SMC1A: variants seen among roughly 807,000 people sequenced by gnomAD.
The protein encoded by SMC1A is structural maintenance of chromosomes 1A, also known as structural maintenance of chromosomes protein 1A.
In SMC1A, 4 loss-of-function variants were observed where a neutral mutation model predicts 94.5. The ratio of observed to expected loss-of-function variants is 0.04; its 90% CI spans 0.02 to 0.10. SMC1A has a LOEUF of 0.10. SMC1A is among the 10% of genes least tolerant of loss of function. SMC1A has a pLI of 1.00. For synonymous variants in SMC1A, 345 were observed against 347.7 expected, an observed-to-expected ratio of 0.99 and a Z score of 0.09; for missense variants, 304 against 989.0, an observed-to-expected ratio of 0.31 and a Z score of 9.29.
Position 53,412,265 on chromosome X carries a change from G to A in SMC1A, c.855-12C>T, listed in dbSNP as rs1556890634. On this transcript the variant is annotated splice_polypyrimidine_tract_variant and intron_variant, in intron 5 of 24. Transcript: ENST00000322213. ...CTGAGTCCTTCTCCCTTTTGCCAGA[G>A]GGGTGGGGGAAACCAGTGAGAACTA... 2 of 1,210,290 alleles carry A rather than the reference G, an allele frequency of 1.7e-6. No homozygotes were observed. Among genetic ancestry groups the A allele is most frequent in the South Asian group, 1.8e-5 (1 of 56,950 alleles).
intron 1 of SMC1A, among the ~76,000 whole-genome samples, chrX:53,419,584 G>A (rs2075746388): frequency 9.2e-6 from 1 of 108,573 alleles, no homozygotes; most frequent in African/African-American, 3.4e-5. Flanking sequence ...GCAGCACTTT[G>A]GGAGGCCCAG....
At chrX:53,387,178 G>A (rs1468448191) in intron 19 of SMC1A, among the ~76,000 whole-genome samples, 5 of 111,277 alleles carry the variant, frequency 4.5e-5, no homozygotes, top group African/African-American at 1.6e-4. Flanking sequence ...TGTATTCTTA[G>A]TAGAGATGGC....
In SMC1A at chrX:53,382,713, C is replaced by T. The variant is rs1389213392; in HGVS notation, c.3131-53G>A. The T allele has an allele frequency of 7.6e-6, 9 of 1,178,316 alleles. No homozygotes were observed. In the Admixed American group the frequency reaches 2.0e-4, roughly 26 times the overall value. ...TCAGTGCCCTGGCAAGAAGGACCTG[C>T]AAATGACAATCCAGAGCAGGAACAT... On this transcript the variant is annotated intron_variant, in intron 20 of 24. Coordinates refer to ENST00000322213, the MANE Select transcript of SMC1A (RefSeq NM_006306.4).
At position 53,375,831 on chromosome X, in the gene SMC1A, C is replaced by A. The variant is rs781995748; in HGVS notation, c.*4272G>T. On this transcript the variant is annotated 3_prime_UTR_variant, in exon 25 of 25. Coordinates refer to ENST00000322213, the MANE Select transcript of SMC1A (RefSeq NM_006306.4). Reference sequence around the variant, plus strand: ...TCACCCTCCACATCCAATAATCAGTCATTAAGTTATCATCTTACCTTAACA... The same window carrying A: ...TCACCCTCCACATCCAATAATCAGTAATTAAGTTATCATCTTACCTTAACA... 1 of 112,100 alleles carries A rather than the reference C, an allele frequency of 8.9e-6. No individual in the cohort carries two copies. Among genetic ancestry groups the A allele is most frequent in the South Asian group, 3.7e-4 (1 of 2,704 alleles). The allele number at this position is 112,100 out of a possible 1,213,427, so 9.2% of individuals were successfully genotyped here. A position where few individuals can be genotyped will look rare whatever the true frequency, so the allele number is the denominator to read the frequency against.
chrX:53,422,499 A>G lies in SMC1A; in HGVS notation c.102T>C (p.Asn34=), dbSNP rs782100278. Residue 34 remains asparagine (N), a synonymous_variant, in exon 1 of 25, where the codon AAT becomes AAC. Transcript: ENST00000322213. ...FQRFTAIIGP[N]GSGKSNLMDA... is the part of the protein sequence containing the mutation. ...CGGCCAGGTTTATCTCACCAGAGCC[A>G]TTGGGTCCAATGATGGCGGTGAACC... 2.5e-6 allele frequency: 3 copies of G among 1,180,274 alleles called. No individual in the cohort carries two copies. Among genetic ancestry groups the G allele is most frequent in the Admixed American group, 4.3e-5 (2 of 46,049 alleles).
chrX:53,384,364 A>G (rs1030581958), intron 19 of SMC1A, among the ~76,000 whole-genome samples: 38 of 109,084 alleles, frequency 3.5e-4, no homozygotes, highest in Non-Finnish European at 1.7e-4. Context: ...CCCAGGCTCA[A>G]GTGATCCTCC....
intron 1 of SMC1A, among the ~76,000 whole-genome samples, chrX:53,417,613 T>C (rs57933545): frequency 2.0e-3 from 200 of 98,855 alleles, no homozygotes; most frequent in African/African-American, 7.1e-3. Flanking sequence ...TTCTGAGACA[T>C]AGGTAAACAG....
At chrX:53,417,380 C>T (rs1275480510) in intron 1 of SMC1A, among the ~76,000 whole-genome samples, 1 of 108,013 alleles carries the variant, frequency 9.3e-6, no homozygotes, top group Non-Finnish European at 1.9e-5. Context: ...GGAGAAACCT[C>T]GTCTCTACTA....
chrX:53,418,666 T>C (rs1431742497), intron 1 of SMC1A, among the ~76,000 whole-genome samples: 2 of 111,853 alleles, frequency 1.8e-5, no homozygotes, highest in African/African-American at 6.5e-5. Context: ...ACTCCTGAGC[T>C]CCAGAGATCC....
Position 53,388,772 on chromosome X carries a change from T to C in SMC1A, c.2974-5519A>G, listed in dbSNP as rs782301810. Among the ~76,000 whole-genome samples the C allele has an allele frequency of 3.0e-4, 32 of 107,567 alleles. No homozygotes were observed. The South Asian group carries it at 7.3e-3, about 25-fold the overall frequency. 93.4% of individuals were successfully genotyped at this position (107,567 alleles called of 115,157 possible). On this transcript the variant is annotated intron_variant, in intron 19 of 24. Transcript: ENST00000322213. ...GAGCACTCTGGGAGGCCGAGGCGGG[T>C]GGATCACAAGGTCAGGATATCGAGA...
intron 19 of SMC1A, among the ~76,000 whole-genome samples, chrX:53,393,764 G>A (rs782579374): frequency 9.0e-6 from 1 of 111,603 alleles, no homozygotes; most frequent in East Asian, 2.8e-4. Context: ...ATATAATGAT[G>A]ATTGAAACAC....
At position 53,413,193 on chromosome X, in the gene SMC1A, C is replaced by T. The variant is rs782664118; in HGVS notation, c.615+39G>A. On this transcript the variant is annotated intron_variant, in intron 4 of 24. Coordinates refer to ENST00000322213, the MANE Select transcript of SMC1A (RefSeq NM_006306.4). ...TGCATCGATAAGGCACTGGCTCCAT[C>T]CTGGTCCCTCAGAGCCAAGAGGTAG... The T allele has an allele frequency of 2.5e-6, 3 of 1,209,944 alleles. No homozygotes were observed. The African/African-American group carries it at 5.3e-5, about 21-fold the overall frequency.
intron 23 of SMC1A, 96 bp from the exon 24 acceptor site, chrX:53,380,826 G>T: frequency 4.4e-6 from 3 of 686,148 alleles, no homozygotes; most frequent in Non-Finnish European, 7.1e-6. Context: ...GGTAGGGTAG[G>T]GAGAGGAAGG....
At position 53,391,458 on chromosome X, in the gene SMC1A, T is replaced by TA. The variant is rs782035311; in HGVS notation, c.2973+3319dup. 3.2e-3 allele frequency among the ~76,000 whole-genome samples: 290 copies of TA among 89,570 alleles called. 1 individual carries two copies. The highest frequency in any genetic ancestry group is 5.2e-3 in the Admixed American group (43 of 8,234). The allele number at this position is 89,570 out of a possible 115,157, so 77.8% of individuals were successfully genotyped here. A position where few individuals can be genotyped will look rare whatever the true frequency, so the allele number is the denominator to read the frequency against. ...ACACAGTGAGACCTTGTCTCCACGT[T>TA]AAAAAAAAAAAAAAAAAGAGAAGAA... is the stretch of plus-strand genomic sequence containing the variant. On this transcript the variant is annotated intron_variant, in intron 19 of 24. Transcript: ENST00000322213.
rs782559232 is a variant in SMC1A at position 53,416,167 on chromosome X, G to A, written c.110-998C>T. Among the ~76,000 whole-genome samples the A allele has an allele frequency of 1.7e-3, 180 of 106,190 alleles. 6 individuals carry two copies. The South Asian group carries it at 0.076, about 45-fold the overall frequency. The allele number at this position is 106,190 out of a possible 115,157, so 92.2% of individuals were successfully genotyped here. A position where few individuals can be genotyped will look rare whatever the true frequency, so the allele number is the denominator to read the frequency against. The stretch of plus-strand genomic sequence containing the variant: ...AAAATACAAAACTTAGCTGGGCGTG[G>A]TGGCGGGCGCCTGTAATCCCAGCTA... On this transcript the variant is annotated intron_variant, in intron 1 of 24. Coordinates refer to ENST00000322213, the MANE Select transcript of SMC1A (RefSeq NM_006306.4).
chrX:53,390,051 G>A (rs1300361804), intron 19 of SMC1A, among the ~76,000 whole-genome samples: 4 of 105,147 alleles, frequency 3.8e-5, no homozygotes, highest in East Asian at 3.1e-4. Flanking sequence ...GGGTTTCACC[G>A]TGTTAGCCAG....
At chrX:53,412,297 A>G (rs2075715819) in intron 5 of SMC1A, 44 bp from the exon 6 acceptor site, 1 of 1,185,040 alleles carries the variant, frequency 8.4e-7, no homozygotes, top group African/African-American at 1.8e-5. Flanking sequence ...ACTATGGAAG[A>G]AGGGAGGGTT....
intron 20 of SMC1A, among the ~76,000 whole-genome samples, 175 bp from the exon 21 acceptor site, chrX:53,382,835 T>C (rs2075590283): frequency 9.0e-6 from 1 of 110,743 alleles, no homozygotes; most frequent in Non-Finnish European, 1.9e-5. Flanking sequence ...AACAGGGGCC[T>C]GGAGCCACAC....
intron 19 of SMC1A, among the ~76,000 whole-genome samples, chrX:53,389,842 C>CTTTTTTTTTTT (rs1193457348): frequency 3.6e-5 from 2 of 55,092 alleles, no homozygotes; most frequent in African/African-American, 1.5e-4. Flanking sequence ...TCCAGAATTT[C>CTTTTTTTTTTT]TTTTTTTTTT....
Sources: allele counts gnomAD v4.1 joint callset (sites outside exome capture counted in the v4.1 genomes callset), GRCh38; gene constraint gnomAD v4.1.1; transcripts MANE v1.5; gene names NCBI Gene and HGNC (gene_info 2026-07-23, HGNC 2026-07-21).